Variants in CDH13 observed in about 807,000 individuals in gnomAD.
CDH13 encodes cadherin-13.
In CDH13, 24 loss-of-function variants were observed where a neutral mutation model predicts 63.8. The observed-to-expected ratio is 0.38, with a 90% CI of 0.27 to 0.53. The LOEUF (loss-of-function observed/expected upper bound fraction) is 0.53, where lower values mean the gene tolerates loss of function less well. Ranked by LOEUF, CDH13 falls within the 20% of genes least tolerant of loss-of-function variation. CDH13 has a pLI of 0.85. For missense variants in CDH13, 1,049 were observed against 903.1 expected, an observed-to-expected ratio of 1.16 and a Z score of -2.07; for synonymous variants, 503 against 355.3, an observed-to-expected ratio of 1.42 and a Z score of -4.67.
chr16:83,300,117 A>G (rs1220082395), intron 5 of CDH13, among the ~76,000 whole-genome samples: 1 of 152,224 alleles, frequency 6.6e-6, no homozygotes, highest in East Asian at 1.9e-4. Context: ...AGATTACCCA[A>G]GAGGGTGAGT....
chr16:83,365,248 T>G (rs556784612), intron 6 of CDH13, among the ~76,000 whole-genome samples: 1 of 152,142 alleles, frequency 6.6e-6, no homozygotes, highest in African/African-American at 2.4e-5. Flanking sequence ...GCCAATGTAT[T>G]GTTTAAGTCC....
intron 8 of CDH13, among the ~76,000 whole-genome samples, chr16:83,607,046 G>T (rs1908406849): frequency 6.6e-6 from 1 of 152,024 alleles, no homozygotes; most frequent in African/African-American, 2.4e-5. Flanking sequence ...GTTGTCTTCA[G>T]TTGGTATGTT....
chr16:83,079,466 T>C (rs2033085818), intron 3 of CDH13, among the ~76,000 whole-genome samples: 1 of 152,170 alleles, frequency 6.6e-6, no homozygotes, highest in Non-Finnish European at 1.5e-5. Flanking sequence ...AATGGGATAA[T>C]TATAATAACA....
At chr16:82,999,025 C>T (rs770889107) in intron 2 of CDH13, among the ~76,000 whole-genome samples, 9 of 152,124 alleles carry the variant, frequency 5.9e-5, no homozygotes, top group Non-Finnish European at 1.5e-5. Flanking sequence ...CCTTCAGACA[C>T]CAAAACGCGT....
intron 3 of CDH13, among the ~76,000 whole-genome samples, chr16:83,110,916 A>C (rs562412830): frequency 6.7e-6 from 1 of 149,436 alleles, no homozygotes; most frequent in Non-Finnish European, 1.5e-5. Flanking sequence ...CTCAGCAACC[A>C]CCACAATGCC....
intron 1 of CDH13, among the ~76,000 whole-genome samples, chr16:82,791,730 A>G (rs1388979678): frequency 6.6e-6 from 1 of 152,154 alleles, no homozygotes; most frequent in Non-Finnish European, 1.5e-5. Context: ...AAGGCTTGCC[A>G]TTGTTCCCGC....
intron 7 of CDH13, among the ~76,000 whole-genome samples, chr16:83,504,715 T>C (rs1245396051): frequency 6.6e-6 from 1 of 152,200 alleles, no homozygotes; most frequent in Non-Finnish European, 1.5e-5. Flanking sequence ...GCTCAGGCCC[T>C]GTAAGCAACT....
At chr16:83,571,372 C>T (rs1039711077) in intron 7 of CDH13, among the ~76,000 whole-genome samples, 13 of 152,176 alleles carry the variant, frequency 8.5e-5, no homozygotes, top group South Asian at 2.1e-4. Context: ...TCATTTCTCT[C>T]AGCTTGATGT....
chr16:82,675,305 T>A (rs1913769490), intron 1 of CDH13, among the ~76,000 whole-genome samples: 1 of 152,202 alleles, frequency 6.6e-6, no homozygotes, highest in Non-Finnish European at 1.5e-5. Flanking sequence ...ATCTAGCCCA[T>A]CTATTATTTC....
At chr16:83,391,478 A>G (rs948818549) in intron 6 of CDH13, among the ~76,000 whole-genome samples, 6 of 152,208 alleles carry the variant, frequency 3.9e-5, no homozygotes, top group African/African-American at 1.4e-4. Flanking sequence ...TGCTGGGATT[A>G]CAGGCATGAG....
chr16:83,246,685 C>T (rs1286352367), intron 5 of CDH13, among the ~76,000 whole-genome samples: 1 of 152,156 alleles, frequency 6.6e-6, no homozygotes, highest in Non-Finnish European at 1.5e-5. Flanking sequence ...GTGAAATTAA[C>T]CTCTGCCTTT....
chr16:83,134,997 T>C (rs2036219908), intron 4 of CDH13, among the ~76,000 whole-genome samples: 1 of 152,222 alleles, frequency 6.6e-6, no homozygotes, highest in African/African-American at 2.4e-5. Flanking sequence ...ACTGAATTTA[T>C]ATTTAATTAT....
At chr16:83,070,865 C>G (rs116431904) in intron 3 of CDH13, among the ~76,000 whole-genome samples, 3,737 of 145,294 alleles carry the variant, frequency 0.026, 187 homozygotes, top group African/African-American at 0.088. Flanking sequence ...GCCCCCCCCC[C>G]CCCAAATATC....
chr16:83,204,790 C>T (rs2039134579), intron 4 of CDH13, among the ~76,000 whole-genome samples: 1 of 152,202 alleles, frequency 6.6e-6, no homozygotes, highest in Non-Finnish European at 1.5e-5. Flanking sequence ...CTGTGTTCCT[C>T]GTTGTCATTG....
intron 4 of CDH13, among the ~76,000 whole-genome samples, chr16:83,209,669 G>A (rs1337085735): frequency 6.6e-6 from 1 of 152,090 alleles, no homozygotes; most frequent in Non-Finnish European, 1.5e-5. Flanking sequence ...TCCAAGCCCT[G>A]GGAATGTGAA....
At chr16:83,671,050 GT>G in intron 9 of CDH13, 78 bp downstream of exon 9, 1 of 1,247,262 alleles carries the variant, frequency 8.0e-7, no homozygotes, top group Non-Finnish European at 1.1e-6. Flanking sequence ...GAATCATTGA[GT>G]TTAGAAGGCC....
intron 1 of CDH13, among the ~76,000 whole-genome samples, chr16:82,691,335 G>A (rs1054321240): frequency 6.6e-6 from 1 of 152,174 alleles, no homozygotes; most frequent in African/African-American, 2.4e-5. Flanking sequence ...GCAGCCAGTA[G>A]CAGCTTGCAT....
Position 83,602,601 on chromosome 16 carries a change from C to G in CDH13, c.1101+7C>G. ...AAAATTCACCAAGAAAGAGGTAAACCCCTGTGCCAAACACCAACCACCACT... is the reference window on the plus strand; with the variant it reads ...AAAATTCACCAAGAAAGAGGTAAACGCCTGTGCCAAACACCAACCACCACT... On this transcript the variant is annotated splice_region_variant and intron_variant, in intron 8 of 13. Coordinates refer to ENST00000567109, the MANE Select transcript of CDH13 (RefSeq NM_001257.5). The G allele has an allele frequency of 6.2e-7, 1 of 1,613,792 alleles. No individual in the cohort carries two copies.
chr16:82,854,988 A>G (rs2194284), intron 1 of CDH13, among the ~76,000 whole-genome samples: 2,794 of 128,550 alleles, frequency 0.022, 77 homozygotes, highest in African/African-American at 0.069. Flanking sequence ...GAGTGAGTGA[A>G]TGAATGAATG....
Sources: allele counts gnomAD v4.1 joint callset (sites outside exome capture counted in the v4.1 genomes callset), GRCh38; gene constraint gnomAD v4.1.1; transcripts MANE v1.5; gene names NCBI Gene and HGNC (gene_info 2026-07-23, HGNC 2026-07-21).